OGFOD1: variants seen among roughly 807,000 people sequenced by gnomAD.
OGFOD1 encodes the protein 2-oxoglutarate and iron dependent oxygenase domain containing 1.
A neutral mutation model predicts 67.7 loss-of-function variants in OGFOD1; 54 were observed. The ratio of observed to expected loss-of-function variants is 0.80; its 90% CI spans 0.64 to 1.00. The LOEUF (loss-of-function observed/expected upper bound fraction) is 1.00. Ranked by LOEUF, OGFOD1 falls within the 50% of genes least tolerant of loss-of-function variation. The pLI is 0.00. For synonymous variants in OGFOD1, 221 were observed against 227.0 expected (o/e 0.97, Z 0.24); for missense variants, 606 against 646.7 (o/e 0.94, Z 0.68).
intron 3 of OGFOD1, among the ~76,000 whole-genome samples, chr16:56,460,060 T>A (rs1270790600): frequency 6.6e-6 from 1 of 152,278 alleles, no homozygotes; most frequent in African/African-American, 2.4e-5. Context: ...TTCTAAATCC[T>A]GAAGTATTGC....
intron 4 of OGFOD1, among the ~76,000 whole-genome samples, chr16:56,464,154 G>T (rs1239894046): frequency 3.9e-5 from 6 of 152,118 alleles, no homozygotes; most frequent in Admixed American, 1.3e-4. Flanking sequence ...ACTTGCTTCA[G>T]TTTGGGATTG....
intron 3 of OGFOD1, among the ~76,000 whole-genome samples, chr16:56,460,144 A>C (rs1324837969): frequency 2.0e-5 from 3 of 152,228 alleles, no homozygotes; most frequent in Non-Finnish European, 4.4e-5. Flanking sequence ...GATTATCATG[A>C]ATTAAGGCAT....
Position 56,453,420 on chromosome 16 carries a change from C to G in OGFOD1, c.300+12C>G, listed in dbSNP as rs1247857988. The G allele has an allele frequency of 6.2e-7, 1 of 1,606,224 alleles. No homozygotes were observed. Among genetic ancestry groups the G allele is most frequent in the Non-Finnish European group, 8.5e-7 (1 of 1,176,356 alleles). Reference sequence around the variant, plus strand: ...ATAAGTTCCAGCAGGTATTTATTCCCCTGCCACATTAACTCTTCCAGCTTG... The same window carrying G: ...ATAAGTTCCAGCAGGTATTTATTCCGCTGCCACATTAACTCTTCCAGCTTG... On this transcript the variant is annotated intron_variant, in intron 2 of 12. Coordinates refer to ENST00000566157, the MANE Select transcript of OGFOD1 (RefSeq NM_018233.4).
chr16:56,464,242 C>T (rs1260789836), intron 4 of OGFOD1, among the ~76,000 whole-genome samples: 1 of 152,162 alleles, frequency 6.6e-6, no homozygotes, highest in African/African-American at 2.4e-5. Context: ...ATTCTTTTCA[C>T]TGTATCAGGT....
chr16:56,475,612 G>A (rs1306207247), intron 12 of OGFOD1, 47 bp downstream of exon 12: 9 of 1,566,668 alleles, frequency 5.7e-6, no homozygotes, highest in Non-Finnish European at 7.9e-6. Context: ...TATTGAGAAT[G>A]CTTTCATTTT....
chr16:56,462,476 G>A (rs1443951092), intron 3 of OGFOD1, 58 bp from the exon 4 acceptor site: 11 of 1,064,606 alleles, frequency 1.0e-5, no homozygotes, highest in Admixed American at 1.7e-5. Flanking sequence ...GATCCAAACA[G>A]TTGTGACCTA....
chr16:56,475,411 C>T, intron 11 of OGFOD1, 96 bp from the exon 12 acceptor site: 1 of 1,097,490 alleles, frequency 9.1e-7, no homozygotes, highest in Non-Finnish European at 1.4e-6. Context: ...CTCCCAGATC[C>T]CCCACTGTTA....
intron 1 of OGFOD1, 85 bp downstream of exon 1, chr16:56,451,851 G>A (rs1962349306): frequency 9.4e-6 from 14 of 1,481,510 alleles, no homozygotes; most frequent in Non-Finnish European, 1.3e-5. Flanking sequence ...CCAGCCTTGG[G>A]CAGCGGGGCC....
At chr16:56,467,028 C>A in intron 6 of OGFOD1, 61 bp downstream of exon 6, 1 of 1,535,024 alleles carries the variant, frequency 6.5e-7, no homozygotes, top group Non-Finnish European at 9.0e-7. Flanking sequence ...ACCCATTATC[C>A]AAACATGACA....
intron 4 of OGFOD1, 52 bp downstream of exon 4, chr16:56,462,686 C>T (rs1962752986): frequency 9.5e-7 from 1 of 1,055,126 alleles, no homozygotes; most frequent in Non-Finnish European, 1.5e-6. Flanking sequence ...TTTAACTCAG[C>T]ATTAATGGAG....
At chr16:56,468,042 G>C (rs368266961) in intron 8 of OGFOD1, 24 bp downstream of exon 8, 1 of 1,274,046 alleles carries the variant, frequency 7.8e-7, no homozygotes, top group South Asian at 1.2e-5. Context: ...ATGTTGTTCT[G>C]AATATTTTGT....
chr16:56,477,852 T>C lies in OGFOD1; in HGVS notation c.*1647T>C, dbSNP rs1199705022. The C allele has an allele frequency of 1.3e-5, 2 of 152,246 alleles. No homozygotes were observed. Among genetic ancestry groups the C allele is most frequent in the East Asian group, 3.8e-4 (2 of 5,202 alleles). 9.4% of individuals were successfully genotyped at this position (152,246 alleles called of 1,614,324 possible). A position where few individuals can be genotyped will look rare whatever the true frequency, so the allele number is the denominator to read the frequency against. On this transcript the variant is annotated 3_prime_UTR_variant, in exon 13 of 13. Transcript: ENST00000566157. ...TCTTCTCTTTCATCTCCTAAAACTT[T>C]TGAGTATTCATTCTTTTCTGAAGTT... is the stretch of plus-strand genomic sequence containing the variant.
intron 1 of OGFOD1, 100 bp downstream of exon 1, chr16:56,451,866 G>C: frequency 7.3e-7 from 1 of 1,376,504 alleles, no homozygotes; most frequent in Non-Finnish European, 9.8e-7. Context: ...GGGGCCGCAA[G>C]GGAAGAGGCT....
chr16:56,470,342 A>C, intron 9 of OGFOD1, 145 bp from the exon 10 acceptor site: 1 of 788,318 alleles, frequency 1.3e-6, no homozygotes, highest in Non-Finnish European at 2.0e-6. Flanking sequence ...AATCCTAACA[A>C]AATCTCACTA....
rs1963120459 is a variant in OGFOD1 at position 56,470,604 on chromosome 16, T to A, written c.1098T>A (p.His366Gln). The change falls in exon 10 of 13, where the codon CAT (histidine) becomes CAA (glutamine). Residue 366 changes from histidine to glutamine, a missense_variant. Transcript: ENST00000566157. Reference protein sequence around the residue: ...LLSNFTGLKLHFLAPSEEDEM... With the variant: ...LLSNFTGLKLQFLAPSEEDEM... ...CCAACTTCACAGGCCTGAAGCTTCATTTCTTGGCCCCTTCGGAAGAAGATG... is the reference window on the plus strand; with the variant it reads ...CCAACTTCACAGGCCTGAAGCTTCAATTCTTGGCCCCTTCGGAAGAAGATG... 2.5e-6 allele frequency: 4 copies of A among 1,614,076 alleles called. No individual in the cohort carries two copies. The highest frequency in any genetic ancestry group is 3.3e-5 in the Admixed American group (2 of 59,994).
intron 4 of OGFOD1, among the ~76,000 whole-genome samples, chr16:56,465,478 T>C (rs1232026556): frequency 6.6e-6 from 1 of 152,218 alleles, no homozygotes; most frequent in African/African-American, 2.4e-5. Flanking sequence ...TATTTATCTA[T>C]TGAAACAATC....
Position 56,476,029 on chromosome 16 carries a change from A to G in OGFOD1, c.1468-15A>G. On this transcript the variant is annotated splice_polypyrimidine_tract_variant and intron_variant, in intron 12 of 12. Transcript: ENST00000566157. ...GTTCTGTGTTCTGATGTGTCACTGTATTTGTCTTTTTCAGCTGCTAACAGT... is the reference window on the plus strand; with the variant it reads ...GTTCTGTGTTCTGATGTGTCACTGTGTTTGTCTTTTTCAGCTGCTAACAGT... The G allele has an allele frequency of 7.5e-6, 12 of 1,604,646 alleles. No individual in the cohort carries two copies. Among genetic ancestry groups the G allele is most frequent in the Non-Finnish European group, 9.4e-6 (11 of 1,175,432 alleles).
intron 2 of OGFOD1, among the ~76,000 whole-genome samples, chr16:56,453,903 A>G (rs145191061): frequency 2.0e-5 from 3 of 152,352 alleles, no homozygotes; most frequent in African/African-American, 7.2e-5. Flanking sequence ...GCCAGAAGTA[A>G]TAATAAGGGT....
Position 56,451,639 on chromosome 16 carries a change from C to A in OGFOD1, c.27C>A (p.Pro9=). The A allele has an allele frequency of 6.2e-7, 1 of 1,613,856 alleles. No homozygotes were observed. Among genetic ancestry groups the A allele is most frequent in the East Asian group, 2.2e-5 (1 of 44,862 alleles). ...TGAATGGGAAGCGGCCAGCGGAGCCCGGCCCAGCCCGGGTGGGAAAAAAGG... is the reference window on the plus strand; with the variant it reads ...TGAATGGGAAGCGGCCAGCGGAGCCAGGCCCAGCCCGGGTGGGAAAAAAGG... The part of the protein sequence containing the change: MNGKRPAE[P]GPARVGKKGK... Residue 9 remains proline (P), a synonymous_variant, in exon 1 of 13, where the codon CCC becomes CCA. Transcript: ENST00000566157.
Sources: gnomAD v4.1 joint callset for allele counts (sites outside exome capture counted in the v4.1 genomes callset) on GRCh38, gnomAD v4.1.1 for gene constraint, MANE v1.5 for transcripts, NCBI Gene and HGNC (gene_info 2026-07-23, HGNC 2026-07-21) for gene names.